ST3GAL1: variants seen among roughly 807,000 people sequenced by gnomAD.
ST3GAL1 encodes CMP-N-acetylneuraminate-beta-galactosamide-alpha-2,3-sialyltransferase 1.
A neutral mutation model predicts 34.1 loss-of-function variants in ST3GAL1; 16 were observed. That is an observed-to-expected ratio of 0.47 (90% CI 0.32 to 0.71). The LOEUF (loss-of-function observed/expected upper bound fraction) is 0.71. Among genes scored for constraint, ST3GAL1 ranks in the 30% least tolerant of loss-of-function variants. The pLI is 0.04. For synonymous variants in ST3GAL1, 191 were observed against 184.7 expected (o/e 1.03, Z -0.28); for missense variants, 353 against 447.4 (o/e 0.79, Z 1.90).
intron 3 of ST3GAL1, among the ~76,000 whole-genome samples, chr8:133,490,986 G>C (rs760327): frequency 0.59 from 90,047 of 151,980 alleles, 26,958 homozygotes; most frequent in East Asian, 0.74. Flanking sequence ...GTGCCAGCAG[G>C]TTGGGAGAAC....
Position 133,466,127 on chromosome 8 carries a change from T to A in ST3GAL1, c.307-37A>T, listed in dbSNP as rs764582817. ...GGACAGAAGGTGGTCAACCTGGCTTTGTGGCTCCAGCCTCCTGGCAGCAGA... is the reference window on the plus strand; with the variant it reads ...GGACAGAAGGTGGTCAACCTGGCTTAGTGGCTCCAGCCTCCTGGCAGCAGA... On this transcript the variant is annotated intron_variant, in intron 5 of 9. Coordinates refer to ENST00000522652, the MANE Select transcript of ST3GAL1 (RefSeq NM_173344.3). This position sits in a 1 kb window ranked among gnomAD's most constrained non-coding sequence, Gnocchi z 4.4. 2.8e-5 allele frequency: 44 copies of A among 1,579,354 alleles called. No individual in the cohort carries two copies. In the South Asian group the frequency reaches 5.1e-4, roughly 18 times the overall value.
intron 3 of ST3GAL1, among the ~76,000 whole-genome samples, chr8:133,478,849 C>A (rs1464149116): frequency 6.6e-6 from 1 of 152,178 alleles, no homozygotes; most frequent in Non-Finnish European, 1.5e-5. Flanking sequence ...CTCAGCCTCA[C>A]TATGGCAGTG....
intron 1 of ST3GAL1, among the ~76,000 whole-genome samples, chr8:133,548,496 T>C (rs1006204584): frequency 3.9e-5 from 6 of 152,234 alleles, no homozygotes; most frequent in Admixed American, 6.5e-5. Context: ...CAAGGGCATG[T>C]CTGCCCTACA....
chr8:133,552,024 C>T (rs1242614336), intron 1 of ST3GAL1, among the ~76,000 whole-genome samples: 5 of 152,220 alleles, frequency 3.3e-5, no homozygotes, highest in African/African-American at 1.2e-4. Context: ...AAGTCTGGGA[C>T]TAACACAGTT....
intron 2 of ST3GAL1, among the ~76,000 whole-genome samples, chr8:133,504,017 A>T (rs1023169691): frequency 6.6e-6 from 1 of 152,184 alleles, no homozygotes; most frequent in African/African-American, 2.4e-5. Flanking sequence ...GGGAGGTGGC[A>T]GAAAGGAGGC....
intron 2 of ST3GAL1, among the ~76,000 whole-genome samples, chr8:133,501,066 C>T (rs1325639419): frequency 6.6e-6 from 1 of 152,166 alleles, no homozygotes; most frequent in East Asian, 1.9e-4. Flanking sequence ...TGTCTCTCCT[C>T]GGCTAACAGA....
chr8:133,511,950 G>C (rs1342503082), intron 2 of ST3GAL1, among the ~76,000 whole-genome samples: 7 of 152,168 alleles, frequency 4.6e-5, no homozygotes, highest in African/African-American at 1.7e-4. Context: ...CTATTTGGTA[G>C]GCTGAGGCAG....
At chr8:133,533,010 AAATT>A in intron 2 of ST3GAL1, among the ~76,000 whole-genome samples, 1 of 152,272 alleles carries the variant, frequency 6.6e-6, no homozygotes, top group Admixed American at 6.5e-5. Context: ...GAGTAGGTAT[AAATT>A]AATTAGTCTT....
intron 1 of ST3GAL1, among the ~76,000 whole-genome samples, chr8:133,563,401 A>T (rs1819302275): frequency 6.6e-6 from 1 of 152,164 alleles, no homozygotes; most frequent in South Asian, 2.1e-4. Context: ...ATTACATAGG[A>T]TTTGTTTAAT....
intron 2 of ST3GAL1, among the ~76,000 whole-genome samples, chr8:133,534,691 G>A (rs565924677): frequency 2.6e-5 from 4 of 152,354 alleles, no homozygotes; most frequent in African/African-American, 9.6e-5. Flanking sequence ...AGGAGCTAAA[G>A]AAGAGAGAAT....
chr8:133,555,030 T>G (rs1818968574), intron 1 of ST3GAL1, among the ~76,000 whole-genome samples: 1 of 152,062 alleles, frequency 6.6e-6, no homozygotes, highest in Non-Finnish European at 1.5e-5. Flanking sequence ...CCCAGCCTAC[T>G]TGGGTTTTTC....
intron 1 of ST3GAL1, among the ~76,000 whole-genome samples, chr8:133,566,574 C>T (rs1018938911): frequency 6.6e-6 from 1 of 152,146 alleles, no homozygotes; most frequent in Non-Finnish European, 1.5e-5. Flanking sequence ...TCAAACCTGG[C>T]TCACGGAAAT....
intron 6 of ST3GAL1, 111 bp downstream of exon 6, chr8:133,465,783 C>T: frequency 3.2e-6 from 4 of 1,247,698 alleles, no homozygotes. Flanking sequence ...TGGGTAAGTT[C>T]AGTCCCAGGA....
intron 8 of ST3GAL1, among the ~76,000 whole-genome samples, 191 bp downstream of exon 8, chr8:133,463,223 C>T (rs1367310181): frequency 2.0e-5 from 3 of 152,214 alleles, no homozygotes; most frequent in East Asian, 3.9e-4. Flanking sequence ...GCTGCTGGCC[C>T]GGGGGACCCC....
Position 133,541,570 on chromosome 8 carries a change from G to A in ST3GAL1, c.-429+4204C>T, listed in dbSNP as rs118067567. Among the ~76,000 whole-genome samples, 92 of 152,186 alleles carry A rather than the reference G, an allele frequency of 6.0e-4. 2 individuals carry two copies. The East Asian group carries it at 0.015, about 25-fold the overall frequency. ...TCTGAGAGATGCAGACCATATACAC[G>A]GTCCACATGTTTTGGCTGGCCTACA... On this transcript the variant is annotated intron_variant, in intron 2 of 9. Transcript: ENST00000522652.
intron 2 of ST3GAL1, among the ~76,000 whole-genome samples, chr8:133,531,996 C>G (rs1818172595): frequency 6.6e-6 from 1 of 152,134 alleles, no homozygotes; most frequent in Non-Finnish European, 1.5e-5. Context: ...CCTGCATGTA[C>G]AGTAGAGCTC....
intron 2 of ST3GAL1, among the ~76,000 whole-genome samples, chr8:133,527,054 G>A (rs1217217354): frequency 3.9e-5 from 6 of 152,136 alleles, no homozygotes; most frequent in African/African-American, 9.7e-5. Context: ...CTGACTGATT[G>A]AAGGCCCAGG....
At chr8:133,555,104 C>A (rs567289564) in intron 1 of ST3GAL1, among the ~76,000 whole-genome samples, 8 of 152,102 alleles carry the variant, frequency 5.3e-5, no homozygotes, top group African/African-American at 1.2e-4. Flanking sequence ...GGTGTCTGTG[C>A]GGCCTGGGGA....
At chr8:133,506,979 G>A (rs1217243303) in intron 2 of ST3GAL1, among the ~76,000 whole-genome samples, 1 of 138,948 alleles carries the variant, frequency 7.2e-6, no homozygotes. Flanking sequence ...TAAAAATAAA[G>A]AAACTTGGCA....
Sources: gnomAD v4.1 joint callset for allele counts (sites outside exome capture counted in the v4.1 genomes callset) on GRCh38, gnomAD v4.1.1 for gene constraint, Gnocchi (gnomAD v3.1) non-coding constraint, MANE v1.5 for transcripts, NCBI Gene and HGNC (gene_info 2026-07-23, HGNC 2026-07-21) for gene names.